The following GALNT17 variants were observed in gnomAD, a reference collection of about 807,000 sequenced individuals.
GALNT17 encodes the protein polypeptide N-acetylgalactosaminyltransferase 17, also known as UDP-GalNAc:polypeptide N-acetylgalactosaminyltransferase-like 3.
Under a neutral mutation model 63.7 loss-of-function variants are expected in GALNT17, and 29 were observed. The ratio of observed to expected loss-of-function variants is 0.46; its 90% CI spans 0.34 to 0.62. GALNT17 has a LOEUF of 0.62. GALNT17 is among the 20% of genes least tolerant of loss of function. The probability of loss-of-function intolerance (pLI) is 0.01; values close to 1 mark genes in which losing one functional copy is unlikely to be tolerated. For synonymous variants in GALNT17, 305 were observed against 318.3 expected (o/e 0.96, Z 0.45); for missense variants, 603 against 799.6 (o/e 0.75, Z 2.97).
intron 4 of GALNT17, among the ~76,000 whole-genome samples, chr7:71,419,134 A>G (rs1786612107): frequency 6.6e-6 from 1 of 152,186 alleles, no homozygotes; most frequent in Admixed American, 6.6e-5. Context: ...CTCCATACTC[A>G]GTGACTCTTT....
At chr7:71,458,054 A>T (rs189521400) in intron 5 of GALNT17, among the ~76,000 whole-genome samples, 1 of 151,842 alleles carries the variant, frequency 6.6e-6, no homozygotes, top group African/African-American at 2.4e-5. Flanking sequence ...GTTCTCTCCA[A>T]TCCCCACACT....
intron 1 of GALNT17, among the ~76,000 whole-genome samples, chr7:71,223,625 G>T (rs946276692): frequency 3.2e-4 from 48 of 151,886 alleles, no homozygotes; most frequent in African/African-American, 1.1e-3. Flanking sequence ...ATGTTACGGG[G>T]GCTTGTCGTA....
chr7:71,229,378 G>A (rs1208124944), intron 1 of GALNT17, among the ~76,000 whole-genome samples: 2 of 152,190 alleles, frequency 1.3e-5, no homozygotes, highest in Admixed American at 1.3e-4. Flanking sequence ...CTTTAGCGGG[G>A]ACGGTGAGAC....
chr7:71,469,667 G>A (rs1787595847), intron 5 of GALNT17, among the ~76,000 whole-genome samples: 1 of 152,166 alleles, frequency 6.6e-6, no homozygotes, highest in African/African-American at 2.4e-5. Flanking sequence ...AGAAGAGTAG[G>A]TGACCATCTG....
intron 9 of GALNT17, among the ~76,000 whole-genome samples, chr7:71,710,394 C>T (rs914873898): frequency 6.6e-6 from 1 of 152,042 alleles, no homozygotes; most frequent in Non-Finnish European, 1.5e-5. Context: ...TGTAATCCCA[C>T]GTACTCAGGA....
chr7:71,634,512 G>A (rs977112064), intron 6 of GALNT17, among the ~76,000 whole-genome samples: 2 of 152,082 alleles, frequency 1.3e-5, no homozygotes, highest in Non-Finnish European at 2.9e-5. Flanking sequence ...CCAGAACTTC[G>A]GGAGGCTGAG....
chr7:71,292,152 G>A (rs898521729), intron 1 of GALNT17, among the ~76,000 whole-genome samples: 2 of 152,176 alleles, frequency 1.3e-5, no homozygotes, highest in Non-Finnish European at 2.9e-5. Flanking sequence ...GGGATTCCGG[G>A]AGAGAGTAGT....
intron 1 of GALNT17, among the ~76,000 whole-genome samples, chr7:71,329,459 G>A (rs562338497): frequency 1.2e-4 from 18 of 152,206 alleles, no homozygotes; most frequent in African/African-American, 4.1e-4. Flanking sequence ...TTACAGTGGA[G>A]CGTGTCTGTA....
chr7:71,593,149 C>CAATAATAATAAT lies in GALNT17; in HGVS notation c.1080+21768_1080+21779dup, dbSNP rs59397445. 5.1e-3 allele frequency among the ~76,000 whole-genome samples: 744 copies of CAATAATAATAAT among 146,930 alleles called. 5 individuals are homozygous for CAATAATAATAAT. The highest frequency in any genetic ancestry group is 0.017 in the African/African-American group (659 of 38,914). ...TAGGCAACAGACCAGGACCTTGTTG[C>CAATAATAATAAT]AATAATAATAATAATAATAATAATA... On this transcript the variant is annotated intron_variant, in intron 6 of 10. Transcript: ENST00000333538.
chr7:71,610,395 G>A (rs919895212), intron 6 of GALNT17, among the ~76,000 whole-genome samples: 1 of 152,012 alleles, frequency 6.6e-6, no homozygotes. Context: ...GGCTGAGGTG[G>A]CAGGATCACT....
chr7:71,389,640 C>T (rs904175297), intron 3 of GALNT17, among the ~76,000 whole-genome samples: 1 of 152,160 alleles, frequency 6.6e-6, no homozygotes, highest in Non-Finnish European at 1.5e-5. Context: ...CTTCCTTCTT[C>T]TCATTAGCTA....
At chr7:71,225,551 C>T (rs1237022822) in intron 1 of GALNT17, among the ~76,000 whole-genome samples, 2 of 152,184 alleles carry the variant, frequency 1.3e-5, no homozygotes, top group Admixed American at 6.5e-5. Flanking sequence ...AATTGAGCTG[C>T]ATGTTAGCTT....
rs561252875 is a variant in GALNT17 at position 71,263,695 on chromosome 7, G to A, written c.239-71855G>A. 3.3e-5 allele frequency among the ~76,000 whole-genome samples: 5 copies of A among 152,042 alleles called. No individual in the cohort carries two copies. The East Asian group carries it at 5.9e-4, about 18-fold the overall frequency. On this transcript the variant is annotated intron_variant, in intron 1 of 10. Coordinates refer to ENST00000333538, the MANE Select transcript of GALNT17 (RefSeq NM_022479.3). ...TCCCAGCACTTTGAGAGGCCAAGGC[G>A]GGCGGATCACTAGGTCAGGAGATCG... is the stretch of plus-strand genomic sequence containing the variant.
chr7:71,489,060 A>G (rs1383347029), intron 5 of GALNT17, among the ~76,000 whole-genome samples: 2 of 144,496 alleles, frequency 1.4e-5, no homozygotes, highest in South Asian at 2.2e-4. Flanking sequence ...CACCTCGCAA[A>G]TTTTTGTATT....
intron 1 of GALNT17, among the ~76,000 whole-genome samples, chr7:71,263,998 T>C (rs779993171): frequency 6.6e-6 from 1 of 152,122 alleles, no homozygotes; most frequent in East Asian, 1.9e-4. Context: ...AAATTTGCGT[T>C]TTCTGGCATC....
chr7:71,594,755 A>G (rs573800510), intron 6 of GALNT17, among the ~76,000 whole-genome samples: 10 of 152,356 alleles, frequency 6.6e-5, no homozygotes, highest in African/African-American at 1.9e-4. Flanking sequence ...GCTATGTAGC[A>G]AATAGCCCAA....
chr7:71,593,566 T>G (rs545789657), intron 6 of GALNT17, among the ~76,000 whole-genome samples: 73 of 152,268 alleles, frequency 4.8e-4, no homozygotes, highest in African/African-American at 1.6e-3. Flanking sequence ...GCCTGGCCCC[T>G]TGACAATTTT....
rs145431868 is a variant in GALNT17, at chr7:71,582,356, C to T, written c.1080+10954C>T. ...TTGGGAGGTCAAGACGGGCAGATCACGAGATCAGGAGATGGAGATCATCCT... is the reference window on the plus strand; with the variant it reads ...TTGGGAGGTCAAGACGGGCAGATCATGAGATCAGGAGATGGAGATCATCCT... On this transcript the variant is annotated intron_variant, in intron 6 of 10. Transcript: ENST00000333538. Among the ~76,000 whole-genome samples the T allele has an allele frequency of 4.1e-3, 609 of 149,904 alleles. 8 individuals are homozygous for T. The highest frequency in any genetic ancestry group is 0.013 in the African/African-American group (533 of 40,674).
intron 5 of GALNT17, among the ~76,000 whole-genome samples, chr7:71,486,279 C>T (rs187245284): frequency 6.6e-6 from 1 of 150,998 alleles, no homozygotes; most frequent in Admixed American, 6.6e-5. Context: ...TTGCAGTGAG[C>T]TGTGATCACA....
Sources: gnomAD v4.1 joint callset for allele counts (sites outside exome capture counted in the v4.1 genomes callset) on GRCh38, gnomAD v4.1.1 for gene constraint, MANE v1.5 for transcripts, NCBI Gene and HGNC (gene_info 2026-07-23, HGNC 2026-07-21) for gene names.